Variants in CES5A observed in about 807,000 individuals in gnomAD.
CES5A encodes the protein carboxylesterase 5A.
Under a neutral mutation model 62.9 loss-of-function variants are expected in CES5A, and 67 were observed. That is an observed-to-expected ratio of 1.07 (90% confidence interval 0.88 to 1.31). CES5A has a LOEUF of 1.31. CES5A is among the 50% of genes most tolerant of loss of function. The pLI, the probability that CES5A is intolerant of heterozygous loss-of-function variation, is 0.00. For synonymous variants in CES5A, 296 were observed against 280.8 expected, an observed-to-expected ratio of 1.05 and a Z score of -0.54; for missense variants, 748 against 708.5, an observed-to-expected ratio of 1.06 and a Z score of -0.63.
At position 55,856,859 on chromosome 16, in the gene CES5A, C is replaced by T. The variant is rs140517770; in HGVS notation, c.1057-414G>A. Among the ~76,000 whole-genome samples, 294 of 152,332 alleles carry T rather than the reference C, an allele frequency of 1.9e-3. 2 individuals carry two copies. Among genetic ancestry groups the T allele is most frequent in the Middle Eastern group, 0.017 (5 of 294 alleles). ...GGTCCTAATCCAATCTGGCTGATGT[C>T]CTTATGAGAAAAGAAAGTTTACACA... On this transcript the variant is annotated intron_variant, in intron 8 of 12. Coordinates refer to ENST00000290567, the MANE Select transcript of CES5A (RefSeq NM_001143685.2).
At chr16:55,857,086 A>G (rs2142391609) in intron 8 of CES5A, among the ~76,000 whole-genome samples, 1 of 152,322 alleles carries the variant, frequency 6.6e-6, no homozygotes, top group Admixed American at 6.5e-5. Context: ...TTCTCCTTCT[A>G]AAGACCTTTG....
At chr16:55,955,718 G>T in intron 1 of CES5A, 1 of 1,024,486 alleles carries the variant, frequency 9.8e-7, no homozygotes. Flanking sequence ...CTAGCCTACC[G>T]TGGGGGCTGA....
rs191985762 is a variant in CES5A, at chr16:55,847,787, G to A, written c.1424-947C>T. On this transcript the variant is annotated intron_variant, in intron 11 of 12. Transcript: ENST00000290567. Reference sequence around the variant, plus strand: ...TATATAATGTATATGTCATATTTCCGATCTTTTGCTGGTAAAAGTAATATT... The same window carrying A: ...TATATAATGTATATGTCATATTTCCAATCTTTTGCTGGTAAAAGTAATATT... Among the ~76,000 whole-genome samples, 305 of 152,132 alleles carry A rather than the reference G, an allele frequency of 2.0e-3. 1 individual carries two copies. The highest frequency in any genetic ancestry group is 2.5e-3 in the Non-Finnish European group (172 of 68,026).
chr16:55,948,074 A>G (rs1340678507), intron 2 of CES5A, among the ~76,000 whole-genome samples: 6 of 152,182 alleles, frequency 3.9e-5, no homozygotes, highest in Non-Finnish European at 7.3e-5. Flanking sequence ...AGAAAAAAGA[A>G]AAAGAAAATG....
Position 55,894,324 on chromosome 16 carries a change from T to C in CES5A, c.-255-20287A>G, listed in dbSNP as rs185599317. Among the ~76,000 whole-genome samples, 181 of 151,684 alleles carry C rather than the reference T, an allele frequency of 1.2e-3. 1 individual carries two copies. The highest frequency in any genetic ancestry group is 3.7e-3 in the African/African-American group (154 of 41,358). ...GAGTTCAAGACCAGCCTGGCCAACA[T>C]AGTGAAACCCCATCTCTACTAAAAG... On this transcript the variant is annotated intron_variant, in intron 1 of 12. Coordinates refer to the CES5A transcript ENST00000518005.
chr16:55,853,024 A>G lies in CES5A; in HGVS notation c.1130T>C (p.Ile377Thr). Residue 377 changes from isoleucine to threonine, a missense_variant, in exon 10 of 13, where the codon ATC (isoleucine) becomes ACC (threonine). By Grantham distance (89) the Ile-to-Thr change is moderately conservative. Transcript: ENST00000290567. ...ALHLIQNILHIPPQYLHLVAN... is the reference protein window; with the variant it reads ...ALHLIQNILHTPPQYLHLVAN... ...CACAAGGTGCAAATACTGAGGCGGG[A>G]TGTGCTGTAAAAATATCGTAGTCCT... 3 of 1,614,066 alleles carry G rather than the reference A, an allele frequency of 1.9e-6. No homozygotes were observed. Among genetic ancestry groups the G allele is most frequent in the Non-Finnish European group, 2.5e-6 (3 of 1,179,972 alleles).
intron 2 of CES5A, among the ~76,000 whole-genome samples, chr16:55,938,595 G>A (rs1161166216): frequency 1.3e-5 from 2 of 150,640 alleles, no homozygotes; most frequent in African/African-American, 4.9e-5. Context: ...AAATTATCTG[G>A]GTATGGTGGC....
chr16:55,870,837 G>T (rs545306060), intron 3 of CES5A, among the ~76,000 whole-genome samples: 9 of 152,298 alleles, frequency 5.9e-5, no homozygotes, highest in African/African-American at 1.9e-4. Context: ...TCATATTAGA[G>T]ATTACAGCCT....
At chr16:55,872,396 C>T (rs2033610156) in intron 2 of CES5A, among the ~76,000 whole-genome samples, 1 of 152,226 alleles carries the variant, frequency 6.6e-6, no homozygotes, top group South Asian at 2.1e-4. Flanking sequence ...CATACCTCTT[C>T]TTCGGAAACA....
chr16:55,925,890 G>C (rs1190997370), upstream of CES5A, among the ~76,000 whole-genome samples: 1 of 151,994 alleles, frequency 6.6e-6, no homozygotes, highest in Non-Finnish European at 1.5e-5. Flanking sequence ...CTATACACCT[G>C]ACAAGGGACT....
In CES5A at chr16:55,952,621, G is replaced by A. The variant is rs559312598; in HGVS notation, c.43-2719C>T. Among the ~76,000 whole-genome samples, 13 of 152,080 alleles carry A rather than the reference G, an allele frequency of 8.5e-5. No individual in the cohort carries two copies. The East Asian group carries it at 2.5e-3, about 29-fold the overall frequency. ...TACAAAGCACATTTCAAATTAAAGA[G>A]AATTTAGACCAAAACATTTCAAAAT... On this transcript the variant is annotated intron_variant, in intron 1 of 13. Transcript: ENST00000521992.
chr16:55,859,780 C>T, intron 7 of CES5A, 93 bp from the exon 8 acceptor site: 1 of 1,219,808 alleles, frequency 8.2e-7, no homozygotes, highest in South Asian at 1.5e-5. Context: ...GAAAAGCCAA[C>T]CCAGTCTAGC....
At chr16:55,952,754 A>T (rs1391898790) in intron 1 of CES5A, among the ~76,000 whole-genome samples, 1 of 152,140 alleles carries the variant, frequency 6.6e-6, no homozygotes, top group Non-Finnish European at 1.5e-5. Flanking sequence ...ATAATCATAT[A>T]AAAATTAAAA....
At chr16:55,862,154 G>T (rs1370771271) in intron 6 of CES5A, among the ~76,000 whole-genome samples, 1 of 152,028 alleles carries the variant, frequency 6.6e-6, no homozygotes, top group Non-Finnish European at 1.5e-5. Flanking sequence ...CTATAAGCTC[G>T]ATGTTCCCCA....
At chr16:55,863,962 G>A (rs2033406123) in intron 5 of CES5A, among the ~76,000 whole-genome samples, 1 of 151,958 alleles carries the variant, frequency 6.6e-6, no homozygotes, top group Non-Finnish European at 1.5e-5. Flanking sequence ...TCACCATGTT[G>A]GCCAGGATAG....
intron 1 of CES5A, among the ~76,000 whole-genome samples, chr16:55,892,875 T>C (rs889544152): frequency 3.9e-5 from 6 of 152,222 alleles, no homozygotes; most frequent in African/African-American, 1.4e-4. Context: ...AGTGCAGTTA[T>C]ATCTTTGGGA....
At chr16:55,931,495 G>T (rs533734650) in intron 2 of CES5A, among the ~76,000 whole-genome samples, 5 of 152,244 alleles carry the variant, frequency 3.3e-5, no homozygotes, top group African/African-American at 1.2e-4. Context: ...AGATGATCTG[G>T]CCCTTGCTCT....
chr16:55,860,149 A>G (rs1355990500), intron 7 of CES5A, among the ~76,000 whole-genome samples: 1 of 151,372 alleles, frequency 6.6e-6, no homozygotes, highest in Non-Finnish European at 1.5e-5. Context: ...GCTCCCCTGA[A>G]CAAGCTTTTT....
chr16:55,948,157 G>A (rs2034516989), intron 2 of CES5A, among the ~76,000 whole-genome samples: 1 of 152,144 alleles, frequency 6.6e-6, no homozygotes, highest in Admixed American at 6.5e-5. Context: ...GGGATAAAGA[G>A]ACACAAGCCA....
Sources: gnomAD v4.1 joint callset for allele counts (sites outside exome capture counted in the v4.1 genomes callset) on GRCh38, gnomAD v4.1.1 for gene constraint, MANE v1.5 for transcripts, NCBI Gene and HGNC (gene_info 2026-07-23, HGNC 2026-07-21) for gene names.